SLC9A5: variants seen among roughly 807,000 people sequenced by gnomAD.
The protein encoded by SLC9A5 is solute carrier family 9 member A5.
SLC9A5 carries 52 observed loss-of-function variants against 91.7 expected under a neutral mutation model. The observed-to-expected ratio is 0.57, with a 90% confidence interval of 0.45 to 0.71. The LOEUF (loss-of-function observed/expected upper bound fraction) is 0.71, where lower values mean the gene tolerates loss of function less well. Ranked by LOEUF, SLC9A5 falls within the 30% of genes least tolerant of loss-of-function variation. The pLI is 0.00. For missense variants in SLC9A5, 871 were observed against 1,158.9 expected (o/e 0.75, Z 3.61); for synonymous variants, 419 against 474.5 (o/e 0.88, Z 1.52).
Position 67,257,293 on chromosome 16 carries a change from A to C in SLC9A5, c.1336-52A>C. 1 of 1,508,464 alleles carries C rather than the reference A, an allele frequency of 6.6e-7. No homozygotes were observed. The highest frequency in any genetic ancestry group is 9.2e-7 in the Non-Finnish European group (1 of 1,084,578). The allele number at this position is 1,508,464 out of a possible 1,614,324, so 93.4% of individuals were successfully genotyped here. A position where few individuals can be genotyped will look rare whatever the true frequency, so the allele number is the denominator to read the frequency against. ...AGCCTCATTACGGGGAGAGAAAGGCAGCAGGGAACTGAATAGGAATAGGGC... is the reference window on the plus strand; with the variant it reads ...AGCCTCATTACGGGGAGAGAAAGGCCGCAGGGAACTGAATAGGAATAGGGC... On this transcript the variant is annotated intron_variant, in intron 7 of 15. Transcript: ENST00000299798. The surrounding 1 kb of genome is among the most constrained non-coding windows in gnomAD (Gnocchi z 5.1).
intron 15 of SLC9A5, among the ~76,000 whole-genome samples, chr16:67,267,706 T>C (rs958957136): frequency 6.6e-6 from 1 of 152,210 alleles, no homozygotes; most frequent in Non-Finnish European, 1.5e-5. Context: ...AAATACAGTA[T>C]ATAAGCATTT....
At chr16:67,268,710 A>ATATATT (rs1555500934) in intron 15 of SLC9A5, among the ~76,000 whole-genome samples, 38 of 89,730 alleles carry the variant, frequency 4.2e-4, no homozygotes, top group Non-Finnish European at 5.8e-4. Context: ...ATATATATAT[A>ATATATT]TTTTTACAGT....
intron 2 of SLC9A5, among the ~76,000 whole-genome samples, chr16:67,254,725 G>A (rs2035247541): frequency 6.6e-6 from 1 of 152,230 alleles, no homozygotes; most frequent in South Asian, 2.1e-4. Context: ...TGGCTGGGTT[G>A]AGTTTTGAAA....
In SLC9A5 at chr16:67,249,099, G is replaced by C. The variant is rs954112194; in HGVS notation, c.85G>C (p.Glu29Gln). The change falls in exon 1 of 16, where the codon GAG (glutamate) becomes CAG (glutamine). Residue 29 changes from glutamate to glutamine, a missense_variant. Physicochemically the swap from Glu to Gln is conservative, Grantham distance 29. This residue lies in a region of SLC9A5 where 122 missense variants were observed against 114.5 expected (regional missense o/e 1.07). Transcript: ENST00000299798. Reference sequence around the variant, plus strand: ...CACCCAGAAGCCAGAGTCCCCGGGCGAGCCTCCCCCAGGCTTAGAGCTCTT... The same window carrying C: ...CACCCAGAAGCCAGAGTCCCCGGGCCAGCCTCCCCCAGGCTTAGAGCTCTT... Reference protein sequence around the residue: ...EPTQKPESPGEPPPGLELFRW... With the variant: ...EPTQKPESPGQPPPGLELFRW... 5.2e-6 allele frequency: 8 copies of C among 1,541,062 alleles called. No individual in the cohort carries two copies. In the Admixed American group the frequency reaches 7.7e-5, roughly 15 times the overall value.
chr16:67,259,959 AG>A lies in SLC9A5; in HGVS notation c.1842+15del. 1 of 1,612,878 alleles carries A rather than the reference AG, an allele frequency of 6.2e-7. No homozygotes were observed. The highest frequency in any genetic ancestry group is 1.1e-5 in the South Asian group (1 of 90,912). ...GCCGCGCCGTAGGGTGAGAGCAGGC[AG>A]GCATCAGGATTTTGAGGGGGTGGAG... On this transcript the variant is annotated intron_variant, in intron 12 of 15. Coordinates refer to ENST00000299798, the MANE Select transcript of SLC9A5 (RefSeq NM_004594.3).
rs41280870 is a variant in SLC9A5 at position 67,270,691 on chromosome 16, A to C, written c.2219-47A>C. 4.0e-3 allele frequency: 5,166 copies of C among 1,295,994 alleles called. 30 individuals are homozygous for C. Among genetic ancestry groups the C allele is most frequent in the Non-Finnish European group, 3.7e-3 (3,474 of 945,626 alleles). The allele number at this position is 1,295,994 out of a possible 1,614,324, so 80.3% of individuals were successfully genotyped here. On this transcript the variant is annotated intron_variant, in intron 15 of 15. Coordinates refer to ENST00000299798, the MANE Select transcript of SLC9A5 (RefSeq NM_004594.3). The surrounding 1 kb of genome is among the most constrained non-coding windows in gnomAD (Gnocchi z 4.3). ...TTATAAGAATGTGCTTATACTTGAG[A>C]TTTCCACTGTATTGGTAATGAGTTC...
rs1260957659 is a variant in SLC9A5 at position 67,270,882 on chromosome 16, A to G, written c.2363A>G (p.Gln788Arg). The G allele has an allele frequency of 1.9e-6, 3 of 1,614,008 alleles. No homozygotes were observed. The highest frequency in any genetic ancestry group is 2.5e-6 in the Non-Finnish European group (3 of 1,180,028). Residue 788 changes from glutamine to arginine, a missense_variant, in exon 16 of 16, where the codon CAG (glutamine) becomes CGG (arginine). Physicochemically the swap from Gln to Arg is conservative, Grantham distance 43. This residue lies in a region of SLC9A5 where 295 missense variants were observed against 326.0 expected (regional missense o/e 0.90). Transcript: ENST00000299798. This position sits in a 1 kb window ranked among gnomAD's most constrained non-coding sequence, Gnocchi z 4.3. ...ETTKIVPVDM[Q>R]TGWNQSISSL... ...ACCAAGATTGTGCCTGTGGACATGC[A>G]GACGGGTTGGAACCAGAGCATCTCA...
rs373439039 is a variant in SLC9A5, at chr16:67,252,449, C to CAA, written c.188-81_188-80dup. 4,047 of 921,556 alleles carry CAA rather than the reference C, an allele frequency of 4.4e-3. No individual in the cohort carries two copies. The highest frequency in any genetic ancestry group is 4.9e-3 in the Non-Finnish European group (3,166 of 645,688). The allele number at this position is 921,556 out of a possible 1,614,324, so 57.1% of individuals were successfully genotyped here. A position where few individuals can be genotyped will look rare whatever the true frequency, so the allele number is the denominator to read the frequency against. ...TGGGCAACAGAGTGAGACTTCATCT[C>CAA]AAAAAAAAAAAAACAAAACTGGGAG... is the stretch of plus-strand genomic sequence containing the variant. On this transcript the variant is annotated intron_variant, in intron 1 of 15. Coordinates refer to ENST00000299798, the MANE Select transcript of SLC9A5 (RefSeq NM_004594.3). This position sits in a 1 kb window ranked among gnomAD's most constrained non-coding sequence, Gnocchi z 4.0.
chr16:67,265,172 C>T, intron 14 of SLC9A5, 66 bp downstream of exon 14: 1 of 1,532,170 alleles, frequency 6.5e-7, no homozygotes, highest in South Asian at 1.1e-5. Flanking sequence ...GCTTGCCAGC[C>T]AGAATCCTGG....
chr16:67,268,495 G>A (rs947264881), intron 15 of SLC9A5, among the ~76,000 whole-genome samples: 1 of 149,604 alleles, frequency 6.7e-6, no homozygotes, highest in Non-Finnish European at 1.5e-5. Flanking sequence ...CCAGGAGGCT[G>A]AGGCTGCAGT....
chr16:67,260,354 C>CAAAAGAAAAAAAAAAAA (rs2035488550), intron 12 of SLC9A5, among the ~76,000 whole-genome samples: 1 of 33,468 alleles, frequency 3.0e-5, no homozygotes, highest in African/African-American at 1.9e-4. Context: ...GACTCCATCT[C>CAAAAGAAAAAAAAAAAA]AAAAAAAAAA....
rs1597353218 is a variant in SLC9A5 at position 67,258,597 on chromosome 16, A to T, written c.1626+150A>T. 1.1e-6 allele frequency: 1 copy of T among 886,830 alleles called. No homozygotes were observed. Among genetic ancestry groups the T allele is most frequent in the East Asian group, 2.6e-5 (1 of 38,786 alleles). 54.9% of individuals were successfully genotyped at this position (886,830 alleles called of 1,614,324 possible). A position where few individuals can be genotyped will look rare whatever the true frequency, so the allele number is the denominator to read the frequency against. ...GTCTGGTGAAGTGGCAGCGGCAGGA[A>T]GCAGCTGGGTCTGGTGCTGACATTC... On this transcript the variant is annotated intron_variant, in intron 10 of 15. Coordinates refer to ENST00000299798, the MANE Select transcript of SLC9A5 (RefSeq NM_004594.3). This position sits in a 1 kb window ranked among gnomAD's most constrained non-coding sequence, Gnocchi z 4.5.
chr16:67,264,469 A>G lies in SLC9A5; in HGVS notation c.1960A>G (p.Asn654Asp), dbSNP rs1338996286. ...RLESFKSTKH[N>D]ICFTKSKPRP... is the part of the protein sequence containing the mutation. Reference sequence around the variant, plus strand: ...GGAGTCCTTTAAGTCCACCAAGCACAACATCTGCTTCACCAAGAGCAAGCC... The same window carrying G: ...GGAGTCCTTTAAGTCCACCAAGCACGACATCTGCTTCACCAAGAGCAAGCC... The change falls in exon 13 of 16, where the codon AAC becomes GAC. Residue 654 changes from asparagine to aspartate, a missense_variant. Physicochemically the swap from Asn to Asp is conservative, Grantham distance 23. Transcript: ENST00000299798. 6.2e-7 allele frequency: 1 copy of G among 1,614,168 alleles called. No individual in the cohort carries two copies. The highest frequency in any genetic ancestry group is 1.3e-5 in the African/African-American group (1 of 75,030).
intron 12 of SLC9A5, among the ~76,000 whole-genome samples, 184 bp downstream of exon 12, chr16:67,260,130 C>T (rs1300096787): frequency 6.6e-6 from 1 of 151,910 alleles, no homozygotes; most frequent in African/African-American, 2.4e-5. Context: ...AGGCGGATCA[C>T]TTGAGGTCAG....
chr16:67,253,462 C>T (rs1250726074), intron 2 of SLC9A5, among the ~76,000 whole-genome samples: 1 of 152,120 alleles, frequency 6.6e-6, no homozygotes, highest in African/African-American at 2.4e-5. Flanking sequence ...GGAAATAGAA[C>T]CCCTTGCATT....
chr16:67,256,307 G>A lies in SLC9A5; in HGVS notation c.912-162G>A, dbSNP rs1192823026. On this transcript the variant is annotated intron_variant, in intron 5 of 15. Coordinates refer to ENST00000299798, the MANE Select transcript of SLC9A5 (RefSeq NM_004594.3). The surrounding 1 kb of genome is among the most constrained non-coding windows in gnomAD (Gnocchi z 4.1). ...GGAAGCCTGGAGATCTGGACTCTTA[G>A]CCCAGCACTACCATTCAAGTCTTCA... Among the ~76,000 whole-genome samples the A allele has an allele frequency of 6.6e-6, 1 of 152,160 alleles. No homozygotes were observed. Among genetic ancestry groups the A allele is most frequent in the Non-Finnish European group, 1.5e-5 (1 of 68,022 alleles).
intron 2 of SLC9A5, among the ~76,000 whole-genome samples, chr16:67,253,520 T>C (rs2035205900): frequency 6.6e-6 from 1 of 151,962 alleles, no homozygotes; most frequent in Non-Finnish European, 1.5e-5. Context: ...GTGTTTGTTG[T>C]TGTTGTTGTT....
In SLC9A5 at chr16:67,255,566, C is replaced by T. The variant is rs762987724; in HGVS notation, c.733+95C>T. Reference sequence around the variant, plus strand: ...CCGCATCAGGACAGAAGAGGCTATTCGGGTTGCCTCATCTCCTCTATAGAG... The same window carrying T: ...CCGCATCAGGACAGAAGAGGCTATTTGGGTTGCCTCATCTCCTCTATAGAG... On this transcript the variant is annotated intron_variant, in intron 4 of 15. Transcript: ENST00000299798. This position sits in a 1 kb window ranked among gnomAD's most constrained non-coding sequence, Gnocchi z 4.9. 89 of 1,379,808 alleles carry T rather than the reference C, an allele frequency of 6.5e-5. 2 individuals are homozygous for T. Among genetic ancestry groups the T allele is most frequent in the Admixed American group, 1.1e-4 (6 of 56,690 alleles). 85.5% of individuals were successfully genotyped at this position (1,379,808 alleles called of 1,614,324 possible).
chr16:67,266,112 C>G lies in SLC9A5; in HGVS notation c.2105C>G (p.Ser702Cys). Residue 702 changes from serine (S) to cysteine (C), a missense_variant, in exon 15 of 16, where the codon TCT becomes TGT. Physicochemically the swap from Ser to Cys is moderately radical, Grantham distance 112. Coordinates refer to ENST00000299798, the MANE Select transcript of SLC9A5 (RefSeq NM_004594.3). The stretch of plus-strand genomic sequence containing the variant: ...GCTGCTGTGATATTAACCGTGGAGT[C>G]TGAGGAGGAGGAGGAGGAGAGCGAC... Reference protein sequence around the residue: ...DTAAVILTVESEEEEEESDSS... With the variant: ...DTAAVILTVECEEEEEESDSS... 6.2e-7 allele frequency: 1 copy of G among 1,611,922 alleles called. No individual in the cohort carries two copies. The highest frequency in any genetic ancestry group is 2.2e-5 in the East Asian group (1 of 44,638).
Sources: allele counts gnomAD v4.1 joint callset (sites outside exome capture counted in the v4.1 genomes callset), GRCh38; gene constraint gnomAD v4.1.1; regional missense constraint gnomAD v4.1.1; non-coding constraint Gnocchi (gnomAD v3.1); transcripts MANE v1.5; gene names NCBI Gene and HGNC (gene_info 2026-07-23, HGNC 2026-07-21).